FAM107B: variants seen among roughly 807,000 people sequenced by gnomAD.
FAM107B encodes protein FAM107B.
In FAM107B, 21 loss-of-function variants were observed where a neutral mutation model predicts 31.5. That is an observed-to-expected ratio of 0.67 (90% CI 0.47 to 0.96). The LOEUF (loss-of-function observed/expected upper bound fraction) is 0.96. FAM107B is among the 40% of genes least tolerant of loss of function. The pLI is 0.00. For missense variants in FAM107B, 452 were observed against 377.1 expected, an observed-to-expected ratio of 1.20 and a Z score of -1.64; for synonymous variants, 157 against 141.5, an observed-to-expected ratio of 1.11 and a Z score of -0.78.
At chr10:14,691,556 G>A (rs375764070) in intron 1 of FAM107B, among the ~76,000 whole-genome samples, 13 of 152,212 alleles carry the variant, frequency 8.5e-5, no homozygotes, top group African/African-American at 3.1e-4. Context: ...CTATAAAACA[G>A]GCCTTATCTT....
In FAM107B at chr10:14,548,658, G is replaced by A. The variant is rs1037389653; in HGVS notation, c.470-18143C>T. 21 of 985,226 alleles carry A rather than the reference G, an allele frequency of 2.1e-5. No individual in the cohort carries two copies. The South Asian group carries it at 2.3e-4, about 11-fold the overall frequency. The allele number at this position is 985,226 out of a possible 1,614,324, so 61.0% of individuals were successfully genotyped here. ...GCTGCGAAGGCAGGCACTCCCAGAA[G>A]CCCCCGGGGGCCTTCCTCCATCGCC... On this transcript the variant is annotated intron_variant, in intron 2 of 4. Transcript: ENST00000181796.
At chr10:14,547,607 C>A (rs1848818360) in intron 2 of FAM107B, among the ~76,000 whole-genome samples, 1 of 152,084 alleles carries the variant, frequency 6.6e-6, no homozygotes, top group Non-Finnish European at 1.5e-5. Context: ...TTCCTTTAAG[C>A]AGCATGTCAG....
At chr10:14,682,747 C>T (rs1052971547) in intron 1 of FAM107B, among the ~76,000 whole-genome samples, 4 of 151,616 alleles carry the variant, frequency 2.6e-5, no homozygotes, top group African/African-American at 9.7e-5. Flanking sequence ...GTCAGGGGGT[C>T]GAGAGCTAGG....
At chr10:14,575,724 C>T (rs903673697) in intron 2 of FAM107B, among the ~76,000 whole-genome samples, 1 of 152,194 alleles carries the variant, frequency 6.6e-6, no homozygotes, top group African/African-American at 2.4e-5. Flanking sequence ...CAGACAGACA[C>T]ATGTGTGCAC....
rs1211582769 is a variant in FAM107B, at chr10:14,629,300, A to C, written c.469+38334T>G. 2.6e-4 allele frequency among the ~76,000 whole-genome samples: 17 copies of C among 64,992 alleles called. 1 individual carries two copies. The Admixed American group carries it at 3.2e-3, about 12-fold the overall frequency. The allele number at this position is 64,992 out of a possible 152,430, so 42.6% of individuals were successfully genotyped here. A position where few individuals can be genotyped will look rare whatever the true frequency, so the allele number is the denominator to read the frequency against. On this transcript the variant is annotated intron_variant, in intron 2 of 4. Coordinates refer to ENST00000181796, the MANE Select transcript of FAM107B (RefSeq NM_031453.4). Reference sequence around the variant, plus strand: ...ATATATTATAAATATAAATTGTATAAATATATAATATATATAATATATAAA... The same window carrying C: ...ATATATTATAAATATAAATTGTATACATATATAATATATATAATATATAAA...
At chr10:14,629,317 AT>A (rs1458932774) in intron 2 of FAM107B, among the ~76,000 whole-genome samples, 202 of 90,004 alleles carry the variant, frequency 2.2e-3, no homozygotes, top group Non-Finnish European at 3.3e-3. Flanking sequence ...AATATATATA[AT>A]ATATAAATTA....
chr10:14,568,579 G>T (rs1850902518), intron 2 of FAM107B, among the ~76,000 whole-genome samples: 1 of 151,532 alleles, frequency 6.6e-6, no homozygotes, highest in African/African-American at 2.4e-5. Flanking sequence ...GCTGGCTGAT[G>T]ATCTCAGGGT....
At chr10:14,689,187 C>T (rs573439702) in intron 1 of FAM107B, among the ~76,000 whole-genome samples, 8 of 151,854 alleles carry the variant, frequency 5.3e-5, no homozygotes, top group African/African-American at 1.9e-4. Flanking sequence ...CGAGACCAGC[C>T]TGGGCCACAT....
chr10:14,619,862 G>T (rs902325119), intron 2 of FAM107B, among the ~76,000 whole-genome samples: 1 of 151,766 alleles, frequency 6.6e-6, no homozygotes, highest in Non-Finnish European at 1.5e-5. Context: ...AGGCAATGGT[G>T]TAAAGGTTGA....
chr10:14,604,108 A>C, intron 2 of FAM107B: 4 of 464,066 alleles, frequency 8.6e-6, no homozygotes, highest in Non-Finnish European at 1.1e-5. Context: ...CCTCCCGCGC[A>C]CGGGGACCCC....
intron 1 of FAM107B, among the ~76,000 whole-genome samples, chr10:14,726,153 C>G (rs1856031002): frequency 6.6e-6 from 1 of 152,192 alleles, no homozygotes; most frequent in Non-Finnish European, 1.5e-5. Flanking sequence ...ACCACCACAC[C>G]TGGCTAATTT....
chr10:14,766,822 C>G (rs1204175743), intron 1 of FAM107B, among the ~76,000 whole-genome samples: 1 of 150,652 alleles, frequency 6.6e-6, no homozygotes, highest in Non-Finnish European at 1.5e-5. Flanking sequence ...CACTGTACAA[C>G]AACAACAACA....
chr10:14,599,762 TCAACA>T (rs72033178), intron 2 of FAM107B, among the ~76,000 whole-genome samples: 19,491 of 151,140 alleles, frequency 0.13, 1,333 homozygotes, highest in Middle Eastern at 0.2. Flanking sequence ...ACATACACAC[TCAACA>T]CAACTCCCTC....
chr10:14,659,436 G>A (rs900899155), intron 2 of FAM107B, among the ~76,000 whole-genome samples: 7 of 119,586 alleles, frequency 5.9e-5, no homozygotes, highest in East Asian at 4.7e-4. Context: ...GCAAAACTCC[G>A]TCTCAAAACA....
intron 2 of FAM107B, among the ~76,000 whole-genome samples, chr10:14,546,811 C>T (rs1848736444): frequency 6.6e-6 from 1 of 152,180 alleles, no homozygotes; most frequent in South Asian, 2.1e-4. Context: ...GTCTAATTGA[C>T]AACCTGACCC....
chr10:14,664,149 T>C (rs567973401), intron 2 of FAM107B, among the ~76,000 whole-genome samples: 76 of 152,350 alleles, frequency 5.0e-4, no homozygotes, highest in African/African-American at 1.7e-3. Flanking sequence ...CAGCACATGC[T>C]GTATTCTACC....
At chr10:14,608,601 T>G (rs1307729883) in intron 2 of FAM107B, among the ~76,000 whole-genome samples, 1 of 152,180 alleles carries the variant, frequency 6.6e-6, no homozygotes, top group Non-Finnish European at 1.5e-5. Flanking sequence ...CAGATCCACT[T>G]GTATGGCCTC....
intron 2 of FAM107B, among the ~76,000 whole-genome samples, chr10:14,664,238 T>G (rs188334429): frequency 6.6e-6 from 1 of 152,354 alleles, no homozygotes; most frequent in Admixed American, 6.5e-5. Flanking sequence ...TTCCATAGTA[T>G]CCTGCTTTCT....
At chr10:14,586,512 G>A (rs190630725) in intron 2 of FAM107B, among the ~76,000 whole-genome samples, 1 of 152,272 alleles carries the variant, frequency 6.6e-6, no homozygotes, top group Non-Finnish European at 1.5e-5. Context: ...AGTCATAGAA[G>A]TGGAGCCCTC....
Sources: allele counts gnomAD v4.1 joint callset (sites outside exome capture counted in the v4.1 genomes callset), GRCh38; gene constraint gnomAD v4.1.1; transcripts MANE v1.5; gene names NCBI Gene and HGNC (gene_info 2026-07-23, HGNC 2026-07-21).